Variants in KAZN observed in about 807,000 individuals in gnomAD.
KAZN encodes kazrin.
In KAZN, 40 loss-of-function variants were observed where a neutral mutation model predicts 87.4. The ratio of observed to expected loss-of-function variants is 0.46; its 90% CI spans 0.36 to 0.60. The LOEUF is 0.60. Ranked by LOEUF, KAZN falls within the 20% of genes least tolerant of loss-of-function variation. KAZN has a pLI of 0.00. For missense variants in KAZN, 898 were observed against 1,073.9 expected, an observed-to-expected ratio of 0.84 and a Z score of 2.29; for synonymous variants, 466 against 458.3, an observed-to-expected ratio of 1.02 and a Z score of -0.22.
chr1:14,035,347 A>G (rs7553416), intron 1 of KAZN, among the ~76,000 whole-genome samples: 143,908 of 152,220 alleles, frequency 0.95, 68,128 homozygotes, highest in African/African-American at 0.98. Context: ...CTAGATGGAG[A>G]GAAGGCTTCC....
At chr1:14,897,281 C>T (rs1655379702) in intron 1 of KAZN, among the ~76,000 whole-genome samples, 1 of 152,146 alleles carries the variant, frequency 6.6e-6, no homozygotes, top group Non-Finnish European at 1.5e-5. Flanking sequence ...GGTCACATGC[C>T]CATGCCCCAA....
intron 4 of KAZN, among the ~76,000 whole-genome samples, chr1:15,053,570 T>C (rs998227194): frequency 6.6e-6 from 1 of 152,130 alleles, no homozygotes. Context: ...GCCCACATCA[T>C]TTGCGCTGGT....
intron 2 of KAZN, among the ~76,000 whole-genome samples, chr1:14,456,877 C>T (rs934802955): frequency 5.9e-5 from 9 of 151,998 alleles, no homozygotes; most frequent in African/African-American, 1.2e-4. Context: ...GTCAAGAGTT[C>T]GAGACCAGTC....
chr1:14,905,873 A>AATG (rs1656485476), intron 1 of KAZN, among the ~76,000 whole-genome samples: 1 of 145,804 alleles, frequency 6.9e-6, no homozygotes, highest in South Asian at 2.2e-4. Context: ...TAATAATAAT[A>AATG]ATGATACAGC....
chr1:14,764,499 G>GCC (rs144390645), intron 1 of KAZN, among the ~76,000 whole-genome samples: 4 of 150,518 alleles, frequency 2.7e-5, no homozygotes, highest in South Asian at 2.1e-4. Flanking sequence ...CCGCCCCTCT[G>GCC]CCCCCCCATA....
intron 2 of KAZN, among the ~76,000 whole-genome samples, chr1:14,587,379 T>G (rs986508607): frequency 7.5e-5 from 11 of 147,152 alleles, no homozygotes; most frequent in Non-Finnish European, 1.6e-4. Flanking sequence ...GAGGTTGCAG[T>G]GAGCCGAGAT....
chr1:14,506,197 C>T (rs1670576874), intron 2 of KAZN, among the ~76,000 whole-genome samples: 1 of 152,150 alleles, frequency 6.6e-6, no homozygotes, highest in African/African-American at 2.4e-5. Flanking sequence ...TGCATCTGTG[C>T]CACACAGTGG....
intron 1 of KAZN, among the ~76,000 whole-genome samples, chr1:14,130,620 C>T (rs1341969452): frequency 1.9e-5 from 2 of 105,814 alleles, no homozygotes; most frequent in Non-Finnish European, 3.6e-5. Context: ...TAGGCTTGTC[C>T]TGAGTAAAAG....
intron 2 of KAZN, among the ~76,000 whole-genome samples, chr1:14,309,607 G>A (rs1023504591): frequency 5.9e-5 from 9 of 152,134 alleles, no homozygotes; most frequent in East Asian, 1.9e-4. Context: ...TGTGGCCCAG[G>A]TGGAGTGCAG....
At chr1:14,043,245 TTTCC>T (rs1641916152) in intron 1 of KAZN, among the ~76,000 whole-genome samples, 1 of 152,210 alleles carries the variant, frequency 6.6e-6, no homozygotes, top group South Asian at 2.1e-4. Flanking sequence ...TGTGTCAGAA[TTTCC>T]TTCCTTTTTA....
At chr1:15,062,489 G>A (rs1401009250) in intron 6 of KAZN, 2 of 152,468 alleles carry the variant, frequency 1.3e-5, no homozygotes, top group Non-Finnish European at 2.9e-5. Context: ...AATAGCTACA[G>A]GTAACCCTTT....
intron 2 of KAZN, among the ~76,000 whole-genome samples, chr1:14,528,748 C>CAA (rs36033087): frequency 0.01 from 679 of 66,692 alleles, 14 homozygotes; most frequent in African/African-American, 0.03. Flanking sequence ...GACCCTGTCT[C>CAA]AAAAAAAAAA....
chr1:14,815,328 G>A (rs555981928), intron 1 of KAZN, among the ~76,000 whole-genome samples: 18 of 152,272 alleles, frequency 1.2e-4, no homozygotes, highest in Admixed American at 3.3e-4. Context: ...ATCCGGTGTC[G>A]TTGGCAGTCC....
intron 1 of KAZN, among the ~76,000 whole-genome samples, chr1:13,964,329 G>A (rs1420495778): frequency 6.6e-6 from 1 of 152,230 alleles, no homozygotes; most frequent in Non-Finnish European, 1.5e-5. Flanking sequence ...GAAGAAAGCA[G>A]TAGAAGTTGG....
chr1:14,837,999 G>C (rs573017018), intron 1 of KAZN, among the ~76,000 whole-genome samples: 1 of 152,206 alleles, frequency 6.6e-6, no homozygotes, highest in South Asian at 2.1e-4. Context: ...GAGACTGGAT[G>C]ATTTATAAAG....
intron 2 of KAZN, among the ~76,000 whole-genome samples, chr1:15,009,020 G>T (rs140045144): frequency 6.6e-6 from 1 of 152,172 alleles, no homozygotes. Context: ...AATAAAGCCC[G>T]TGTGCTGAGT....
chr1:14,078,090 G>A (rs374109081), intron 1 of KAZN, among the ~76,000 whole-genome samples: 25 of 152,286 alleles, frequency 1.6e-4, no homozygotes, highest in Admixed American at 7.8e-4. Flanking sequence ...ACACATGATC[G>A]TTAAGGGGTT....
At chr1:14,813,331 C>A (rs748599182) in intron 1 of KAZN, among the ~76,000 whole-genome samples, 1 of 152,122 alleles carries the variant, frequency 6.6e-6, no homozygotes, top group African/African-American at 2.4e-5. Flanking sequence ...ACATATGAAG[C>A]CTTGCGGTTT....
At chr1:14,943,014 G>GTA (rs1661295045) in intron 1 of KAZN, among the ~76,000 whole-genome samples, 2 of 80,484 alleles carry the variant, frequency 2.5e-5, no homozygotes, top group South Asian at 6.5e-4. Flanking sequence ...TGTGGTGTGT[G>GTA]TGTGTGTGTG....
Sources: allele counts gnomAD v4.1 joint callset (sites outside exome capture counted in the v4.1 genomes callset), GRCh38; gene constraint gnomAD v4.1.1; transcripts MANE v1.5; gene names NCBI Gene and HGNC (gene_info 2026-07-23, HGNC 2026-07-21).